AHRR: variants seen among roughly 807,000 people sequenced by gnomAD.
AHRR encodes the protein aryl hydrocarbon receptor repressor.
Under a neutral mutation model 44.0 loss-of-function variants are expected in AHRR, and 28 were observed. That is an observed-to-expected ratio of 0.64 (90% CI 0.47 to 0.87). AHRR has a LOEUF of 0.87. Ranked by LOEUF, AHRR falls within the 40% of genes least tolerant of loss-of-function variation. The pLI is 0.00. For missense variants in AHRR, 990 were observed against 953.9 expected, an observed-to-expected ratio of 1.04 and a Z score of -0.50; for synonymous variants, 434 against 407.0, an observed-to-expected ratio of 1.07 and a Z score of -0.80.
chr5:377,496 A>G (rs2126446754), intron 4 of AHRR, among the ~76,000 whole-genome samples: 1 of 152,042 alleles, frequency 6.6e-6, no homozygotes, highest in Middle Eastern at 3.4e-3. Context: ...GGAACTCAGG[A>G]CCCCTGGGTG....
chr5:401,080 A>G (rs1474448259), intron 4 of AHRR, among the ~76,000 whole-genome samples: 1 of 152,006 alleles, frequency 6.6e-6, no homozygotes, highest in Non-Finnish European at 1.5e-5. Flanking sequence ...TTGGATGGCA[A>G]CTCTGTTCCC....
rs565362042 is a variant in AHRR at position 429,382 on chromosome 5, T to C, written c.908+1376T>C. ...CTCTCAGAGAATCGTGCAGGACCCC[T>C]TCCCCGGCCACCTGGGCGAGTTGCC... On this transcript the variant is annotated intron_variant, in intron 8 of 10. Coordinates refer to ENST00000684583, the MANE Select transcript of AHRR (RefSeq NM_001377236.1). Among the ~76,000 whole-genome samples the C allele has an allele frequency of 8.0e-4, 121 of 152,146 alleles. 1 individual carries two copies. The highest frequency in any genetic ancestry group is 2.9e-3 in the African/African-American group (119 of 41,558).
chr5:399,693 T>C (rs1734927989), intron 4 of AHRR, among the ~76,000 whole-genome samples: 1 of 152,166 alleles, frequency 6.6e-6, no homozygotes, highest in East Asian at 1.9e-4. Context: ...CTGGCTGGTC[T>C]CTCAGCCAGA....
At chr5:397,007 CGTTAGCCCCTGACCATCCAT>C (rs1734735632) in intron 4 of AHRR, among the ~76,000 whole-genome samples, 7 of 143,912 alleles carry the variant, frequency 4.9e-5, no homozygotes, top group African/African-American at 5.4e-5. Context: ...TGACCATCCA[CGTTAGCCCCTGACCATCCAT>C]GTAGCCCCTG....
rs2721026 is a variant in AHRR at position 411,841 on chromosome 5, T to C, written c.352-1503T>C. 0.013 allele frequency among the ~76,000 whole-genome samples: 1,945 copies of C among 152,300 alleles called. 49 individuals carry two copies. The highest frequency in any genetic ancestry group is 0.045 in the African/African-American group (1,885 of 41,556). On this transcript the variant is annotated intron_variant, in intron 4 of 10. Transcript: ENST00000684583. This position sits in a 1 kb window ranked among gnomAD's most constrained non-coding sequence, Gnocchi z 4.2. ...CACAAATGGAAACATTTATGAAAGC[T>C]GTGTCCAGGTGACTCAGCCCCCTCA...
At chr5:359,528 G>C (rs1000241553) in intron 3 of AHRR, among the ~76,000 whole-genome samples, 1 of 152,144 alleles carries the variant, frequency 6.6e-6, no homozygotes, top group Non-Finnish European at 1.5e-5. Flanking sequence ...GAGTAGATTA[G>C]TACCAAAAAC....
At chr5:381,617 G>A (rs1300079664) in intron 4 of AHRR, among the ~76,000 whole-genome samples, 2 of 131,894 alleles carry the variant, frequency 1.5e-5, no homozygotes, top group African/African-American at 2.9e-5. Flanking sequence ...CCGGGATCAA[G>A]CAATTCTCTG....
chr5:355,394 G>A (rs1030662537), intron 3 of AHRR, among the ~76,000 whole-genome samples: 5 of 152,182 alleles, frequency 3.3e-5, no homozygotes, highest in Non-Finnish European at 7.4e-5. Context: ...GCTCAGCAGC[G>A]CCAATGGCAG....
rs2126525546 is a variant in AHRR, at chr5:419,296, C to T, written c.442-3433C>T. ...TCTCCTGCCTCAGCCTCCTGAGTAG[C>T]TGAGATTACAGGTGTGTGCCACCAA... On this transcript the variant is annotated intron_variant, in intron 5 of 10. Transcript: ENST00000684583. The surrounding 1 kb of genome is among the most constrained non-coding windows in gnomAD (Gnocchi z 4.4). Among the ~76,000 whole-genome samples, 1 of 151,994 alleles carries T rather than the reference C, an allele frequency of 6.6e-6. No individual in the cohort carries two copies. Among genetic ancestry groups the T allele is most frequent in the Admixed American group, 6.5e-5 (1 of 15,268 alleles).
rs550963422 is a variant in AHRR at position 321,935 on chromosome 5, G to T, written c.-11+116G>T. 1 of 152,040 alleles carries T rather than the reference G, an allele frequency of 6.6e-6. No individual in the cohort carries two copies. Among genetic ancestry groups the T allele is most frequent in the African/African-American group, 2.4e-5 (1 of 41,412 alleles). 9.4% of individuals were successfully genotyped at this position (152,040 alleles called of 1,614,324 possible). A position where few individuals can be genotyped will look rare whatever the true frequency, so the allele number is the denominator to read the frequency against. On this transcript the variant is annotated intron_variant, in intron 1 of 10. Transcript: ENST00000684583. The surrounding 1 kb of genome is among the most constrained non-coding windows in gnomAD (Gnocchi z 8.3). ...GCGCCGGCGTCGGGACCCTCCTCAC[G>T]CCGCATCCTCGCGTCGCCAGGCCCG...
intron 4 of AHRR, among the ~76,000 whole-genome samples, chr5:408,513 C>A (rs1425460217): frequency 6.6e-6 from 1 of 151,982 alleles, no homozygotes; most frequent in Non-Finnish European, 1.5e-5. Context: ...ATTGAACTAG[C>A]CTTTCATCCT....
At chr5:350,850 G>A (rs1742835514) in intron 2 of AHRR, among the ~76,000 whole-genome samples, 2 of 150,216 alleles carry the variant, frequency 1.3e-5, no homozygotes, top group African/African-American at 4.9e-5. Context: ...TAGAAATCGT[G>A]TACTCAATAA....
chr5:434,245 C>A lies in AHRR; in HGVS notation c.1505C>A (p.Thr502Lys). The change falls in exon 11 of 11, where the codon ACG (threonine) becomes AAG (lysine). Residue 502 changes from threonine to lysine, a missense_variant. Thr to Lys is a moderately conservative substitution (Grantham distance 78). Coordinates refer to ENST00000684583, the MANE Select transcript of AHRR (RefSeq NM_001377236.1). ...LPQPGAQRFA[T>K]RGYPMEDMKL... ...CAGCCTGGAGCTCAGCGTTTTGCCA[C>A]GAGGGGCTATCCCATGGAGGACATG... is the stretch of plus-strand genomic sequence containing the variant. 1 of 1,594,370 alleles carries A rather than the reference C, an allele frequency of 6.3e-7. No homozygotes were observed. Among genetic ancestry groups the A allele is most frequent in the South Asian group, 1.1e-5 (1 of 87,402 alleles).
chr5:369,618 A>C (rs1314352787), intron 3 of AHRR, among the ~76,000 whole-genome samples: 2 of 152,106 alleles, frequency 1.3e-5, no homozygotes, highest in Non-Finnish European at 2.9e-5. Flanking sequence ...CACTGGGGAG[A>C]GCTGTGCTTG....
At position 424,185 on chromosome 5, in the gene AHRR, C is replaced by T. The variant is rs554418877; in HGVS notation, c.708+208C>T. On this transcript the variant is annotated intron_variant, in intron 7 of 10. Transcript: ENST00000684583. ...CTCTGGTGGGTGGGAGAGGGCTGGG[C>T]ACTGAGCTCTGTGCACCCTGTGATG... Among the ~76,000 whole-genome samples the T allele has an allele frequency of 2.4e-3, 280 of 116,326 alleles. 4 individuals carry two copies. In the Admixed American group the frequency reaches 0.025, roughly 10 times the overall value. The allele number at this position is 116,326 out of a possible 152,430, so 76.3% of individuals were successfully genotyped here. A position where few individuals can be genotyped will look rare whatever the true frequency, so the allele number is the denominator to read the frequency against.
intron 2 of AHRR, among the ~76,000 whole-genome samples, chr5:345,079 T>TGG (rs755125228): frequency 2.4e-5 from 1 of 41,760 alleles, no homozygotes; most frequent in Non-Finnish European, 4.7e-5. Context: ...GATGTGTGTG[T>TGG]GTGTGTGTGT....
chr5:350,531 C>A (rs971779668), intron 2 of AHRR, among the ~76,000 whole-genome samples: 9 of 152,158 alleles, frequency 5.9e-5, no homozygotes, highest in Non-Finnish European at 7.3e-5. Flanking sequence ...GTCCTCTCCC[C>A]ACTGCCTTCG....
At chr5:428,100 C>A in intron 8 of AHRR, 94 bp downstream of exon 8, 2 of 1,367,630 alleles carry the variant, frequency 1.5e-6, no homozygotes, top group South Asian at 1.3e-5. Context: ...CTTCTTTCTT[C>A]ATTTCCAGCC....
chr5:402,407 C>T lies in AHRR; in HGVS notation c.352-10937C>T, dbSNP rs577795590. Among the ~76,000 whole-genome samples, 16 of 128,236 alleles carry T rather than the reference C, an allele frequency of 1.2e-4. 1 individual carries two copies. In the South Asian group the frequency reaches 1.8e-3, roughly 15 times the overall value. 84.1% of individuals were successfully genotyped at this position (128,236 alleles called of 152,430 possible). ...CGTGCACTGTTGGCGGGAAGGCAGT[C>T]GTTGTTGAGGGTGTGGAGAGAAGGG... On this transcript the variant is annotated intron_variant, in intron 4 of 10. Coordinates refer to ENST00000684583, the MANE Select transcript of AHRR (RefSeq NM_001377236.1).
Sources: gnomAD v4.1 joint callset for allele counts (sites outside exome capture counted in the v4.1 genomes callset) on GRCh38, gnomAD v4.1.1 for gene constraint, Gnocchi (gnomAD v3.1) non-coding constraint, MANE v1.5 for transcripts, NCBI Gene and HGNC (gene_info 2026-07-23, HGNC 2026-07-21) for gene names.